Variants in CNTN5 observed in about 807,000 individuals in gnomAD.
The protein encoded by CNTN5 is contactin 5.
CNTN5 carries 77 observed loss-of-function variants against 129.1 expected under a neutral mutation model. The observed-to-expected ratio is 0.60, with a 90% CI of 0.50 to 0.72. The LOEUF (loss-of-function observed/expected upper bound fraction) is 0.72. Ranked by LOEUF, CNTN5 falls within the 30% of genes least tolerant of loss-of-function variation. The pLI is 0.00. For missense variants in CNTN5, 1,478 were observed against 1,328.8 expected (o/e 1.11, Z -1.75); for synonymous variants, 509 against 465.6 (o/e 1.09, Z -1.20).
intron 3 of CNTN5, among the ~76,000 whole-genome samples, chr11:99,817,767 T>G (rs900418811): frequency 7.9e-5 from 12 of 152,136 alleles, no homozygotes; most frequent in African/African-American, 2.9e-4. Context: ...GTGCCAAAAC[T>G]TGCATTTAAT....
At chr11:99,649,994 A>G (rs1161851860) in intron 3 of CNTN5, among the ~76,000 whole-genome samples, 1 of 151,768 alleles carries the variant, frequency 6.6e-6, no homozygotes, top group Non-Finnish European at 1.5e-5. Context: ...TCACATCAAT[A>G]AGAGTTGTAA....
At position 99,133,300 on chromosome 11, in the gene CNTN5, C is replaced by A. The variant is rs375066342; in HGVS notation, c.-210+112030C>A. Among the ~76,000 whole-genome samples, 260 of 151,960 alleles carry A rather than the reference C, an allele frequency of 1.7e-3. 1 individual carries two copies. In the South Asian group the frequency reaches 0.039, roughly 23 times the overall value. On this transcript the variant is annotated intron_variant, in intron 1 of 24. Coordinates refer to ENST00000524871, the MANE Select transcript of CNTN5 (RefSeq NM_014361.4). ...AAATGTAAAACCAAAGCCATTAAAA[C>A]CCTAGAAGAAATTTTGGGCAATACC...
chr11:99,212,385 A>G (rs188402515), intron 1 of CNTN5, among the ~76,000 whole-genome samples: 7 of 152,302 alleles, frequency 4.6e-5, no homozygotes, highest in African/African-American at 1.4e-4. Context: ...GTTGCTTAGG[A>G]TGATTTCTAA....
At chr11:99,547,617 G>C (rs1948343296) in intron 2 of CNTN5, among the ~76,000 whole-genome samples, 1 of 152,054 alleles carries the variant, frequency 6.6e-6, no homozygotes, top group South Asian at 2.1e-4. Flanking sequence ...ATTTAACATA[G>C]ATATTTTACA....
chr11:99,159,976 C>G (rs1442166267), intron 1 of CNTN5, among the ~76,000 whole-genome samples: 1 of 152,108 alleles, frequency 6.6e-6, no homozygotes, highest in African/African-American at 2.4e-5. Flanking sequence ...CACTGTACAC[C>G]TGGTTATGTC....
chr11:99,639,469 A>G (rs372113604), intron 3 of CNTN5, among the ~76,000 whole-genome samples: 15 of 150,614 alleles, frequency 1.0e-4, no homozygotes, highest in African/African-American at 3.7e-4. Flanking sequence ...TTTATTTTCT[A>G]TTGCATAGTC....
At chr11:99,268,957 A>G (rs1440629392) in intron 1 of CNTN5, among the ~76,000 whole-genome samples, 8 of 152,022 alleles carry the variant, frequency 5.3e-5, no homozygotes, top group Admixed American at 1.3e-4. Context: ...CGCAAAATCA[A>G]TCTCTTGATG....
chr11:99,328,937 T>C (rs185784192), intron 2 of CNTN5, among the ~76,000 whole-genome samples: 25 of 140,356 alleles, frequency 1.8e-4, no homozygotes, highest in Admixed American at 1.8e-3. Flanking sequence ...TGAAACTAAA[T>C]AGAATGGCTT....
chr11:99,379,570 G>A lies in CNTN5; in HGVS notation c.-71+54086G>A, dbSNP rs367822917. The stretch of plus-strand genomic sequence containing the variant: ...AGAGAAAACACTAACTGCTATACCC[G>A]TATTACTAACTTCCAGCATGAGCTA... On this transcript the variant is annotated intron_variant, in intron 2 of 24. Coordinates refer to ENST00000524871, the MANE Select transcript of CNTN5 (RefSeq NM_014361.4). 4.1e-4 allele frequency among the ~76,000 whole-genome samples: 63 copies of A among 152,176 alleles called. 2 individuals carry two copies. The highest frequency in any genetic ancestry group is 1.5e-3 in the African/African-American group (61 of 41,540).
intron 2 of CNTN5, among the ~76,000 whole-genome samples, chr11:99,452,861 A>G (rs1944359825): frequency 6.6e-6 from 1 of 152,242 alleles, no homozygotes; most frequent in African/African-American, 2.4e-5. Flanking sequence ...TATGCCAGGT[A>G]GCATAGCTAA....
intron 2 of CNTN5, among the ~76,000 whole-genome samples, chr11:99,503,179 A>T (rs1218217036): frequency 6.6e-6 from 1 of 152,088 alleles, no homozygotes; most frequent in Non-Finnish European, 1.5e-5. Context: ...ATGTAACTCT[A>T]CATCTTTCTT....
rs557416432 is a variant in CNTN5, at chr11:99,182,174, T to C, written c.-209-143172T>C. Among the ~76,000 whole-genome samples the C allele has an allele frequency of 2.4e-3, 363 of 152,288 alleles. 3 individuals carry two copies. The highest frequency in any genetic ancestry group is 8.4e-3 in the African/African-American group (350 of 41,558). ...ACATGGAAAACAGTGACAATGGCAG[T>C]GTGAGGATATTGCTTTTTCCCATTA... On this transcript the variant is annotated intron_variant, in intron 1 of 24. Coordinates refer to ENST00000524871, the MANE Select transcript of CNTN5 (RefSeq NM_014361.4).
At chr11:99,850,144 G>C (rs964346770) in intron 6 of CNTN5, among the ~76,000 whole-genome samples, 1 of 152,060 alleles carries the variant, frequency 6.6e-6, no homozygotes, top group African/African-American at 2.4e-5. Context: ...GAGACATTGA[G>C]TTTCTTTCCA....
intron 3 of CNTN5, among the ~76,000 whole-genome samples, chr11:99,683,505 T>C (rs902858910): frequency 6.6e-6 from 1 of 151,932 alleles, no homozygotes; most frequent in Non-Finnish European, 1.5e-5. Flanking sequence ...TTGTATATCG[T>C]TGTGCCAATA....
In CNTN5 at chr11:100,009,489, A is replaced by C. The variant is rs191211518; in HGVS notation, c.980+7353A>C. Among the ~76,000 whole-genome samples, 749 of 152,258 alleles carry C rather than the reference A, an allele frequency of 4.9e-3. 3 individuals carry two copies. Among genetic ancestry groups the C allele is most frequent in the Non-Finnish European group, 5.4e-3 (364 of 67,998 alleles). ...GGAGGGGGATTAATTAGTTGGAAAG[A>C]AAAGACTGGTTTAGACATATGGAAG... On this transcript the variant is annotated intron_variant, in intron 9 of 24. Coordinates refer to ENST00000524871, the MANE Select transcript of CNTN5 (RefSeq NM_014361.4).
chr11:99,633,159 G>T (rs1242826545), intron 3 of CNTN5, among the ~76,000 whole-genome samples: 1 of 152,050 alleles, frequency 6.6e-6, no homozygotes, highest in Non-Finnish European at 1.5e-5. Context: ...AAAGAGGAAA[G>T]AACTTTCAGT....
At chr11:100,157,707 T>C (rs1947303330) in intron 13 of CNTN5, among the ~76,000 whole-genome samples, 1 of 151,792 alleles carries the variant, frequency 6.6e-6, no homozygotes, top group Non-Finnish European at 1.5e-5. Flanking sequence ...TACAGTCTTA[T>C]AAGAATGCAG....
In CNTN5 at chr11:100,163,716, T is replaced by C. The variant is rs1947532056; in HGVS notation, c.1581-27410T>C. Among the ~76,000 whole-genome samples the C allele has an allele frequency of 3.3e-5, 5 of 151,824 alleles. No individual in the cohort carries two copies. The South Asian group carries it at 1.0e-3, about 31-fold the overall frequency. On this transcript the variant is annotated intron_variant, in intron 13 of 24. Coordinates refer to ENST00000524871, the MANE Select transcript of CNTN5 (RefSeq NM_014361.4). Reference sequence around the variant, plus strand: ...CTTACCTTCTAACCAAATAATCTCTTCTCCAGCCCACTGATTATTTCATTT... The same window carrying C: ...CTTACCTTCTAACCAAATAATCTCTCCTCCAGCCCACTGATTATTTCATTT...
chr11:99,253,895 G>T (rs556605224), intron 1 of CNTN5, among the ~76,000 whole-genome samples: 1 of 82,384 alleles, frequency 1.2e-5, no homozygotes, highest in Admixed American at 1.1e-4. Context: ...ACAAATATAC[G>T]TTTATATATA....
Sources: gnomAD v4.1 joint callset for allele counts (sites outside exome capture counted in the v4.1 genomes callset) on GRCh38, gnomAD v4.1.1 for gene constraint, MANE v1.5 for transcripts, NCBI Gene and HGNC (gene_info 2026-07-23, HGNC 2026-07-21) for gene names.